Variants in USP42 observed in about 807,000 individuals in gnomAD.
USP42 encodes the protein ubiquitin specific peptidase 42.
In USP42, 23 loss-of-function variants were observed where a neutral mutation model predicts 113.0. That is an observed-to-expected ratio of 0.20 (90% CI 0.15 to 0.29). The LOEUF (loss-of-function observed/expected upper bound fraction) is 0.29. Among genes scored for constraint, USP42 ranks in the 10% least tolerant of loss-of-function variants. The pLI is 1.00. For synonymous variants in USP42, 933 were observed against 699.0 expected (o/e 1.33, Z -5.28); for missense variants, 2,174 against 1,779.8 (o/e 1.22, Z -3.99).
rs1230375919 is a variant in USP42, at chr7:6,159,574, C to T, written c.*36+81C>T. ...AGGCAGAGGAGTTTTAATTCTGCGG[C>T]TCTGCCTGGGGGCTGGGCTCATAGG... On this transcript the variant is annotated intron_variant, in intron 17 of 17. Coordinates refer to ENST00000306177, the MANE Select transcript of USP42 (RefSeq NM_032172.3). The surrounding 1 kb of genome is among the most constrained non-coding windows in gnomAD (Gnocchi z 4.1). 1.4e-6 allele frequency: 2 copies of T among 1,416,378 alleles called. No individual in the cohort carries two copies. The highest frequency in any genetic ancestry group is 9.9e-7 in the Non-Finnish European group (1 of 1,013,704). The allele number at this position is 1,416,378 out of a possible 1,614,324, so 87.7% of individuals were successfully genotyped here.
the USP42 span, among the ~76,000 whole-genome samples, chr7:6,093,983 G>A: frequency 1.0e-4 from 15 of 149,036 alleles, 2 homozygotes; most frequent in Admixed American, 3.3e-4. Flanking sequence ...TCCACCTCCC[G>A]GGTTGAAGTG....
chr7:6,096,537 T>C, the USP42 span, among the ~76,000 whole-genome samples: 1 of 151,322 alleles, frequency 6.6e-6, no homozygotes, highest in African/African-American at 2.5e-5. Context: ...CTCAGGTTCA[T>C]CTGTACGTTG....
chr7:6,097,609 GA>G, the USP42 span, among the ~76,000 whole-genome samples: 1 of 143,768 alleles, frequency 7.0e-6, no homozygotes, highest in Admixed American at 7.0e-5. Flanking sequence ...TTTTTTTTTC[GA>G]GACAGAGTCT....
intron 3 of USP42, among the ~76,000 whole-genome samples, 196 bp downstream of exon 3, chr7:6,115,719 C>T (rs1779874914): frequency 6.6e-6 from 1 of 152,082 alleles, no homozygotes. Flanking sequence ...CTAATTAGAC[C>T]TGTGAAGGTA....
rs1562862812 is a variant in USP42, at chr7:6,157,559, G to A, written c.3943+504G>A. Among the ~76,000 whole-genome samples the A allele has an allele frequency of 6.6e-6, 1 of 152,106 alleles. No individual in the cohort carries two copies. Among genetic ancestry groups the A allele is most frequent in the Non-Finnish European group, 1.5e-5 (1 of 68,018 alleles). On this transcript the variant is annotated intron_variant, in intron 16 of 17. Transcript: ENST00000306177. The surrounding 1 kb of genome is among the most constrained non-coding windows in gnomAD (Gnocchi z 4.1). ...ACTACAGGCGCCCGCCACCACGCCC[G>A]GCTAAATTTTGTGTTTTTAGTAGAG... is the stretch of plus-strand genomic sequence containing the variant.
At chr7:6,140,818 A>T (rs1475093473) in intron 6 of USP42, 96 bp from the exon 7 acceptor site, 4 of 726,120 alleles carry the variant, frequency 5.5e-6, no homozygotes, top group Middle Eastern at 2.9e-4. Flanking sequence ...CAGTTAAAAA[A>T]TTTTAAATTT....
chr7:6,130,350 C>T (rs907441014), intron 3 of USP42, among the ~76,000 whole-genome samples: 9 of 152,222 alleles, frequency 5.9e-5, no homozygotes, highest in African/African-American at 2.2e-4. Context: ...AGTTCCTGCT[C>T]CCCACATGGT....
chr7:6,150,655 T>TA, intron 14 of USP42, 149 bp downstream of exon 14: 3 of 799,404 alleles, frequency 3.8e-6, no homozygotes, highest in Non-Finnish European at 5.9e-6. Flanking sequence ...TAGGATTTAT[T>TA]AACTTGCCTT....
intron 3 of USP42, among the ~76,000 whole-genome samples, chr7:6,131,319 A>G (rs969906189): frequency 2.2e-4 from 34 of 152,114 alleles, no homozygotes; most frequent in African/African-American, 8.2e-4. Context: ...CTACTGAAAT[A>G]CAAACATTAG....
chr7:6,106,922 T>G (rs913572580), intron 1 of USP42, among the ~76,000 whole-genome samples: 2 of 152,232 alleles, frequency 1.3e-5, no homozygotes, highest in African/African-American at 4.8e-5. Context: ...AAGCTGTTGC[T>G]TACAAGTTCT....
chr7:6,102,791 T>C (rs906434580), upstream of USP42, among the ~76,000 whole-genome samples: 6 of 150,956 alleles, frequency 4.0e-5, no homozygotes. Context: ...GATACCTAGC[T>C]AAGGAATTTA....
chr7:6,133,472 G>A (rs1229839734), intron 3 of USP42, among the ~76,000 whole-genome samples: 2 of 152,106 alleles, frequency 1.3e-5, no homozygotes, highest in African/African-American at 4.8e-5. Context: ...CTTCTGTGGT[G>A]TCTAATCTGT....
chr7:6,083,593 C>T, the USP42 span, among the ~76,000 whole-genome samples: 2 of 150,376 alleles, frequency 1.3e-5, no homozygotes, highest in Non-Finnish European at 2.9e-5. Context: ...TATATATACA[C>T]ACACATATAT....
chr7:6,118,203 G>C (rs1440885691), intron 3 of USP42, among the ~76,000 whole-genome samples: 1 of 152,056 alleles, frequency 6.6e-6, no homozygotes, highest in African/African-American at 2.4e-5. Context: ...AGACTAGCCT[G>C]GGCAACGTAG....
chr7:6,156,663 C>G (rs1471993060), intron 15 of USP42, 91 bp from the exon 16 acceptor site: 1 of 1,446,020 alleles, frequency 6.9e-7, no homozygotes, highest in East Asian at 2.5e-5. Context: ...AGTGAATGTT[C>G]TCGGTGAATG....
At chr7:6,156,305 G>A (rs571056376) in intron 15 of USP42, among the ~76,000 whole-genome samples, 3 of 152,284 alleles carry the variant, frequency 2.0e-5, no homozygotes, top group South Asian at 2.1e-4. Context: ...TACTGGTTTC[G>A]GGAAAAGTTA....
the USP42 span, among the ~76,000 whole-genome samples, chr7:6,097,243 A>C: frequency 6.6e-6 from 1 of 151,090 alleles, no homozygotes; most frequent in Non-Finnish European, 1.5e-5. Context: ...GTCCTGGTAA[A>C]ACGGTGTTTT....
chr7:6,150,951 T>G (rs1324005434), intron 14 of USP42, among the ~76,000 whole-genome samples: 1 of 152,200 alleles, frequency 6.6e-6, no homozygotes, highest in Non-Finnish European at 1.5e-5. Flanking sequence ...GGGATGTGGT[T>G]GTCATGCCAG....
rs572991271 is a variant in USP42 at position 6,120,367 on chromosome 7, C to A, written c.442+4844C>A. On this transcript the variant is annotated intron_variant, in intron 3 of 17. Transcript: ENST00000306177. ...AAGTGATTCTCCTGCCTCAGCCTCC[C>A]AGGTAACTGGGATTACAGGCACGCA... Among the ~76,000 whole-genome samples the A allele has an allele frequency of 7.3e-4, 111 of 152,258 alleles. 1 individual carries two copies. The highest frequency in any genetic ancestry group is 1.3e-3 in the Non-Finnish European group (88 of 68,016).
Sources: gnomAD v4.1 joint callset for allele counts (sites outside exome capture counted in the v4.1 genomes callset) on GRCh38, gnomAD v4.1.1 for gene constraint, Gnocchi (gnomAD v3.1) non-coding constraint, MANE v1.5 for transcripts, NCBI Gene and HGNC (gene_info 2026-07-23, HGNC 2026-07-21) for gene names.